ZNF382: variants seen among roughly 807,000 people sequenced by gnomAD.
ZNF382 encodes zinc finger protein 382.
ZNF382 carries 20 observed loss-of-function variants against 38.8 expected under a neutral mutation model. The observed-to-expected ratio is 0.51, with a 90% CI of 0.36 to 0.75. ZNF382 has a LOEUF of 0.75. Among genes scored for constraint, ZNF382 ranks in the 30% least tolerant of loss-of-function variants. The pLI is 0.00. For synonymous variants in ZNF382, 202 were observed against 223.1 expected (o/e 0.91, Z 0.84); for missense variants, 546 against 654.1 (o/e 0.83, Z 1.80).
intron 4 of ZNF382, among the ~76,000 whole-genome samples, chr19:36,617,115 A>G (rs2037131952): frequency 6.6e-6 from 1 of 152,162 alleles, no homozygotes; most frequent in Non-Finnish European, 1.5e-5. Flanking sequence ...CCAACAGGGG[A>G]ACATACACCA....
intron 1 of ZNF382, 180 bp downstream of exon 1, chr19:36,605,527 AG>A (rs1475303556): frequency 1.3e-5 from 2 of 152,288 alleles, no homozygotes; most frequent in Non-Finnish European, 2.9e-5. Context: ...GATCTGTACG[AG>A]CCGGGCCTCG....
rs1555793082 is a variant in ZNF382 at position 36,614,914 on chromosome 19, C to CTTCCCTTCCCTTTCCGTTTCCCTTTCCCT, written c.232+4179_232+4180insCCCTTTCCGTTTCCCTTTCCCTTTCCCTT. Among the ~76,000 whole-genome samples, 859 of 90,810 alleles carry CTTCCCTTCCCTTTCCGTTTCCCTTTCCCT rather than the reference C, an allele frequency of 9.5e-3. 15 individuals carry two copies. Among genetic ancestry groups the CTTCCCTTCCCTTTCCGTTTCCCTTTCCCT allele is most frequent in the African/African-American group, 0.037 (790 of 21,512 alleles). 59.6% of individuals were successfully genotyped at this position (90,810 alleles called of 152,430 possible). ...CTTTCCTTTCCTTTCCTTTCCTTTC[C>CTTCCCTTCCCTTTCCGTTTCCCTTTCCCT]TTCCCTTTCCCTTTCCCTTTCCCTT... On this transcript the variant is annotated intron_variant, in intron 4 of 4. Coordinates refer to ENST00000292928, the MANE Select transcript of ZNF382 (RefSeq NM_032825.5).
In ZNF382 at chr19:36,607,567, C is replaced by T. The variant is rs1242492017; in HGVS notation, c.-69C>T. The T allele has an allele frequency of 3.9e-6, 6 of 1,533,176 alleles. No homozygotes were observed. The highest frequency in any genetic ancestry group is 2.7e-5 in the African/African-American group (2 of 72,838). 95.0% of individuals were successfully genotyped at this position (1,533,176 alleles called of 1,614,324 possible). ...GCTTTCTCAGGACTGTTTCTTTTTC[C>T]AAAAGAGGAGCTCAAAAGAGAAAGT... On this transcript the variant is annotated 5_prime_UTR_variant, in exon 2 of 5. Coordinates refer to ENST00000292928, the MANE Select transcript of ZNF382 (RefSeq NM_032825.5).
chr19:36,621,367 G>T (rs1237296654), intron 4 of ZNF382, among the ~76,000 whole-genome samples: 4 of 100,230 alleles, frequency 4.0e-5, no homozygotes, highest in African/African-American at 7.9e-5. Flanking sequence ...CTGTCATTAT[G>T]CTAAAAAGAT....
chr19:36,611,157 G>A (rs1600387872), intron 4 of ZNF382, among the ~76,000 whole-genome samples: 1 of 152,126 alleles, frequency 6.6e-6, no homozygotes, highest in African/African-American at 2.4e-5. Flanking sequence ...AGGCATGGTG[G>A]TGGACACCTG....
chr19:36,630,453 G>A lies in ZNF382; in HGVS notation c.*2903G>A, dbSNP rs2037247248. On this transcript the variant is annotated 3_prime_UTR_variant, in exon 5 of 5. Coordinates refer to ENST00000292928, the MANE Select transcript of ZNF382 (RefSeq NM_032825.5). The stretch of plus-strand genomic sequence containing the variant: ...CGGCTCATTGCAACCTCTACCTCAA[G>A]CAATTCTCCTGCCTCAGCCTCCCAA... 1 of 151,012 alleles carries A rather than the reference G, an allele frequency of 6.6e-6. No individual in the cohort carries two copies. The highest frequency in any genetic ancestry group is 6.6e-5 in the Admixed American group (1 of 15,088). 9.4% of individuals were successfully genotyped at this position (151,012 alleles called of 1,614,324 possible). A position where few individuals can be genotyped will look rare whatever the true frequency, so the allele number is the denominator to read the frequency against.
At chr19:36,620,699 A>G (rs554574751) in intron 4 of ZNF382, among the ~76,000 whole-genome samples, 163 of 152,254 alleles carry the variant, frequency 1.1e-3, no homozygotes, top group Middle Eastern at 3.4e-3. Context: ...TTGGTTTACA[A>G]TATATCAGAA....
chr19:36,632,941 C>G lies in ZNF382; in HGVS notation c.*5391C>G, dbSNP rs538995184. The stretch of plus-strand genomic sequence containing the variant: ...AGCAATAGAGCCAGGCTTGCCATGT[C>G]CTGCTTCACAAGTAATGTGCAACAG... On this transcript the variant is annotated 3_prime_UTR_variant, in exon 5 of 5. Coordinates refer to ENST00000292928, the MANE Select transcript of ZNF382 (RefSeq NM_032825.5). 6.6e-6 allele frequency: 1 copy of G among 152,202 alleles called. No individual in the cohort carries two copies. Among genetic ancestry groups the G allele is most frequent in the Non-Finnish European group, 1.5e-5 (1 of 68,062 alleles). 9.4% of individuals were successfully genotyped at this position (152,202 alleles called of 1,614,324 possible).
rs1234865681 is a variant in ZNF382 at position 36,609,924 on chromosome 19, C to T, written c.10C>T (p.Gln4Ter). The change falls in exon 3 of 5, where the codon CAG becomes TAG. Residue 4 changes from glutamine (Q) to a stop codon, truncating the protein, a stop_gained. Coordinates refer to ENST00000292928, the MANE Select transcript of ZNF382 (RefSeq NM_032825.5). LOFTEE classifies it high-confidence loss of function. ...CAGGATGAACTAGAGTATGCCCTTACAGGGATCAGTGTCATTCAAGGATGT... is the reference window on the plus strand; with the variant it reads ...CAGGATGAACTAGAGTATGCCCTTATAGGGATCAGTGTCATTCAAGGATGT... The part of the protein sequence containing the change: MPL[Q>*]GSVSFKDVTV... 1 of 1,612,764 alleles carries T rather than the reference C, an allele frequency of 6.2e-7. No homozygotes were observed. Among genetic ancestry groups the T allele is most frequent in the Non-Finnish European group, 8.5e-7 (1 of 1,179,682 alleles).
rs1412616695 is a variant in ZNF382 at position 36,627,791 on chromosome 19, A to G, written c.*241A>G. On this transcript the variant is annotated 3_prime_UTR_variant, in exon 5 of 5. Coordinates refer to ENST00000292928, the MANE Select transcript of ZNF382 (RefSeq NM_032825.5). The stretch of plus-strand genomic sequence containing the variant: ...TTATTACTAGCTTCAGCAGACAAAA[A>G]CTTCCTCTGTCAAGGTGTTATAAAC... 1.2e-5 allele frequency: 5 copies of G among 418,654 alleles called. No homozygotes were observed. The highest frequency in any genetic ancestry group is 6.0e-5 in the African/African-American group (3 of 49,994). 25.9% of individuals were successfully genotyped at this position (418,654 alleles called of 1,614,324 possible).
chr19:36,633,337 C>G lies in ZNF382; in HGVS notation c.*5787C>G, dbSNP rs370522892. ...ACAGGCGTGAGCCACCGCACCCGGC[C>G]TATAATCGGACTTTTCAAAACCCTA... On this transcript the variant is annotated 3_prime_UTR_variant, in exon 5 of 5. Transcript: ENST00000292928. 7.0e-6 allele frequency: 1 copy of G among 143,736 alleles called. No individual in the cohort carries two copies. Among genetic ancestry groups the G allele is most frequent in the African/African-American group, 3.0e-5 (1 of 33,438 alleles). The allele number at this position is 143,736 out of a possible 1,614,324, so 8.9% of individuals were successfully genotyped here. A position where few individuals can be genotyped will look rare whatever the true frequency, so the allele number is the denominator to read the frequency against.
chr19:36,609,160 G>A (rs2037057773), intron 2 of ZNF382: 1 of 152,104 alleles, frequency 6.6e-6, no homozygotes, highest in African/African-American at 2.4e-5. Context: ...TGTATAAGAC[G>A]GTCTATTGGA....
chr19:36,626,084 T>G, intron 4 of ZNF382, 46 bp from the exon 5 acceptor site: 2 of 1,423,168 alleles, frequency 1.4e-6, no homozygotes. Flanking sequence ...ACCCAATCCA[T>G]AGCATTTATG....
In ZNF382 at chr19:36,609,987, G is replaced by C. The variant is rs1404719740; in HGVS notation, c.73G>C (p.Asp25His). 6.2e-7 allele frequency: 1 copy of C among 1,613,964 alleles called. No homozygotes were observed. The highest frequency in any genetic ancestry group is 8.5e-7 in the Non-Finnish European group (1 of 1,179,974). The change falls in exon 3 of 5, where the codon GAC becomes CAC. Residue 25 changes from aspartate (D) to histidine (H), a missense_variant. Physicochemically the swap from Asp to His is moderately conservative, Grantham distance 81. Transcript: ENST00000292928. ...CACCCAGGAGGAGTGGCAGCAACTAGACCCTGCTCAGAAGGCGCTTTACAG... is the reference window on the plus strand; with the variant it reads ...CACCCAGGAGGAGTGGCAGCAACTACACCCTGCTCAGAAGGCGCTTTACAG... ...DFTQEEWQQL[D>H]PAQKALYRDV...
At chr19:36,625,103 TA>T (rs1306016241) in intron 4 of ZNF382, among the ~76,000 whole-genome samples, 14 of 119,988 alleles carry the variant, frequency 1.2e-4, no homozygotes, top group Non-Finnish European at 2.3e-4. Context: ...TATATATATA[TA>T]TATATATATA....
intron 3 of ZNF382, 143 bp downstream of exon 3, chr19:36,610,196 C>T (rs776160659): frequency 3.8e-5 from 40 of 1,053,702 alleles, no homozygotes; most frequent in Non-Finnish European, 5.3e-5. Flanking sequence ...TGGCTCACGC[C>T]TGTAATCCCA....
intron 4 of ZNF382, among the ~76,000 whole-genome samples, chr19:36,613,809 CGA>C (rs1042257580): frequency 3.3e-5 from 5 of 151,966 alleles, no homozygotes; most frequent in Admixed American, 6.6e-5. Context: ...AAGTAGGGTT[CGA>C]GAGTCTATTC....
chr19:36,629,653 A>G lies in ZNF382; in HGVS notation c.*2103A>G, dbSNP rs935202006. The stretch of plus-strand genomic sequence containing the variant: ...TAATATATAATAAAAATAAAGGTAT[A>G]AGCCTGGGCTTGGTGGCTCATTTCT... On this transcript the variant is annotated 3_prime_UTR_variant, in exon 5 of 5. Coordinates refer to ENST00000292928, the MANE Select transcript of ZNF382 (RefSeq NM_032825.5). 2 of 152,202 alleles carry G rather than the reference A, an allele frequency of 1.3e-5. No homozygotes were observed. Among genetic ancestry groups the G allele is most frequent in the African/African-American group, 2.4e-5 (1 of 41,456 alleles). The allele number at this position is 152,202 out of a possible 1,614,324, so 9.4% of individuals were successfully genotyped here. A position where few individuals can be genotyped will look rare whatever the true frequency, so the allele number is the denominator to read the frequency against.
rs1331207366 is a variant in ZNF382, at chr19:36,629,050, C to T, written c.*1500C>T. 3 of 149,962 alleles carry T rather than the reference C, an allele frequency of 2.0e-5. No homozygotes were observed. Among genetic ancestry groups the T allele is most frequent in the Non-Finnish European group, 4.4e-5 (3 of 67,894 alleles). The allele number at this position is 149,962 out of a possible 1,614,324, so 9.3% of individuals were successfully genotyped here. A position where few individuals can be genotyped will look rare whatever the true frequency, so the allele number is the denominator to read the frequency against. On this transcript the variant is annotated 3_prime_UTR_variant, in exon 5 of 5. Coordinates refer to ENST00000292928, the MANE Select transcript of ZNF382 (RefSeq NM_032825.5). ...GATCTTGGCTCACTGCAGCCTCTGC[C>T]TCCCAGGTTCCAGTGATTCTCCTGC... is the stretch of plus-strand genomic sequence containing the variant.
Sources: allele counts gnomAD v4.1 joint callset (sites outside exome capture counted in the v4.1 genomes callset), GRCh38; gene constraint gnomAD v4.1.1; transcripts MANE v1.5; gene names NCBI Gene and HGNC (gene_info 2026-07-23, HGNC 2026-07-21).